ALOX12B: variants seen among roughly 807,000 people sequenced by gnomAD.
ALOX12B encodes arachidonate 12-lipoxygenase, 12R type.
A neutral mutation model predicts 78.9 loss-of-function variants in ALOX12B; 47 were observed. The ratio of observed to expected loss-of-function variants is 0.60; its 90% CI spans 0.47 to 0.76. The LOEUF is 0.76. Among genes scored for constraint, ALOX12B ranks in the 30% least tolerant of loss-of-function variants. ALOX12B has a pLI of 0.00. For synonymous variants in ALOX12B, 370 were observed against 374.5 expected, an observed-to-expected ratio of 0.99 and a Z score of 0.14; for missense variants, 805 against 922.6, an observed-to-expected ratio of 0.87 and a Z score of 1.65.
chr17:8,086,536 C>T (rs1978299191), intron 1 of ALOX12B, among the ~76,000 whole-genome samples: 1 of 152,198 alleles, frequency 6.6e-6, no homozygotes, highest in Admixed American at 6.5e-5. Flanking sequence ...CCCCTGGGGA[C>T]TTGGGTACCA....
rs371537819 is a variant in ALOX12B, at chr17:8,075,592, T to C, written c.1654+3A>G. ...CTGATTGCCCAGGTGTCCAGGCCCA[T>C]ACCTGAGCTCTCCCGCCCCAGGAGG... is the stretch of plus-strand genomic sequence containing the variant. On this transcript the variant is annotated splice_donor_region_variant and intron_variant, in intron 12 of 14. Transcript: ENST00000647874. 7.9e-5 allele frequency: 128 copies of C among 1,613,940 alleles called. No homozygotes were observed. Among genetic ancestry groups the C allele is most frequent in the Non-Finnish European group, 1.0e-4 (123 of 1,180,004 alleles).
At position 8,073,649 on chromosome 17, in the gene ALOX12B, A is replaced by G. The variant is rs2151821117; in HGVS notation, c.1755+8T>C. The stretch of plus-strand genomic sequence containing the variant: ...GGGCTGGGCCTGGGTTGGTGAGACC[A>G]CCGGTACCTGGCCTGTGTTGACAGC... On this transcript the variant is annotated splice_region_variant and intron_variant, in intron 13 of 14. Coordinates refer to ENST00000647874, the MANE Select transcript of ALOX12B (RefSeq NM_001139.3). The G allele has an allele frequency of 6.2e-7, 1 of 1,613,460 alleles. No homozygotes were observed. The highest frequency in any genetic ancestry group is 1.1e-5 in the South Asian group (1 of 91,044).
intron 13 of ALOX12B, 142 bp from the exon 14 acceptor site, chr17:8,073,460 GGGGGT>G: frequency 8.2e-7 from 1 of 1,218,704 alleles, no homozygotes; most frequent in South Asian, 1.3e-5. Flanking sequence ...TGGTTAGACT[GGGGGT>G]GGGGCTGGGT....
rs199521730 is a variant in ALOX12B at position 8,080,879 on chromosome 17, C to G, written c.527+5G>C. ...GCGGGGCCCAGCACAGCTTCGGGTC[C>G]TTACTCAGGCCGGTTGGGGTTGCGA... On this transcript the variant is annotated splice_donor_5th_base_variant and intron_variant, in intron 4 of 14. Coordinates refer to ENST00000647874, the MANE Select transcript of ALOX12B (RefSeq NM_001139.3). The surrounding 1 kb of genome is among the most constrained non-coding windows in gnomAD (Gnocchi z 4.8). 1 of 1,613,930 alleles carries G rather than the reference C, an allele frequency of 6.2e-7. No individual in the cohort carries two copies. Among genetic ancestry groups the G allele is most frequent in the South Asian group, 1.1e-5 (1 of 91,084 alleles).
Position 8,087,569 on chromosome 17 carries a change from A to T in ALOX12B, c.-127T>A. Reference sequence around the variant, plus strand: ...TGGACAGGGCTGGCCTCCGAGGTGCAGTGGTGAGGTGGCGAGGTGGGGTGA... The same window carrying T: ...TGGACAGGGCTGGCCTCCGAGGTGCTGTGGTGAGGTGGCGAGGTGGGGTGA... On this transcript the variant is annotated 5_prime_UTR_variant, in exon 1 of 15. Coordinates refer to ENST00000647874, the MANE Select transcript of ALOX12B (RefSeq NM_001139.3). 1.3e-6 allele frequency: 2 copies of T among 1,501,326 alleles called. No individual in the cohort carries two copies. The highest frequency in any genetic ancestry group is 1.8e-6 in the Non-Finnish European group (2 of 1,097,898). 93.0% of individuals were successfully genotyped at this position (1,501,326 alleles called of 1,614,324 possible).
At chr17:8,075,552 C>T (rs1977060179) in intron 12 of ALOX12B, 43 bp downstream of exon 12, 1 of 1,613,198 alleles carries the variant, frequency 6.2e-7, no homozygotes, top group Non-Finnish European at 8.5e-7. Context: ...GGCTGCCCCT[C>T]AGTCCCAGCT....
In ALOX12B at chr17:8,079,686, G is replaced by A. The variant is rs1977165031; in HGVS notation, c.927+83C>T. On this transcript the variant is annotated intron_variant, in intron 7 of 14. Coordinates refer to ENST00000647874, the MANE Select transcript of ALOX12B (RefSeq NM_001139.3). The surrounding 1 kb of genome is among the most constrained non-coding windows in gnomAD (Gnocchi z 6.4). ...GTGCGGGCTTGCCTGGGACTGGCGC[G>A]GGCGCCGGAGGTGGGGAGAGACGGG... 5 of 1,548,020 alleles carry A rather than the reference G, an allele frequency of 3.2e-6. No individual in the cohort carries two copies. Among genetic ancestry groups the A allele is most frequent in the Non-Finnish European group, 2.6e-6 (3 of 1,145,698 alleles).
chr17:8,077,247 A>T, intron 8 of ALOX12B, 54 bp from the exon 9 acceptor site: 1 of 1,530,030 alleles, frequency 6.5e-7, no homozygotes, highest in Non-Finnish European at 8.9e-7. Context: ...CACACACATA[A>T]AGGCCCCACC....
chr17:8,073,135 T>C lies in ALOX12B; in HGVS notation c.1926+13A>G. 6.2e-7 allele frequency: 1 copy of C among 1,613,888 alleles called. No individual in the cohort carries two copies. Among genetic ancestry groups the C allele is most frequent in the South Asian group, 1.1e-5 (1 of 91,072 alleles). Reference sequence around the variant, plus strand: ...CCCTCCCTGTGCTCAGAGTCCCCCATCCCGTCTCGCACCCTGTCGTCAGGC... The same window carrying C: ...CCCTCCCTGTGCTCAGAGTCCCCCACCCCGTCTCGCACCCTGTCGTCAGGC... On this transcript the variant is annotated intron_variant, in intron 14 of 14. Coordinates refer to ENST00000647874, the MANE Select transcript of ALOX12B (RefSeq NM_001139.3).
intron 14 of ALOX12B, 86 bp downstream of exon 14, chr17:8,073,062 C>A: frequency 1.2e-6 from 2 of 1,606,528 alleles, no homozygotes; most frequent in South Asian, 2.2e-5. Flanking sequence ...ACTCCCTGCT[C>A]CCCTCTTGAC....
chr17:8,086,047 G>A lies in ALOX12B; in HGVS notation c.321C>T (p.Gly107=). ...CCTCCCGGAGTGCCAGGGTCTCGTA[G>A]CCATCCATCCACTGGTAGGCGGGGA... ...YHFPAYQWMD[G]YETLALREAT... is the part of the protein sequence containing the mutation. Residue 107 remains glycine (G), a synonymous_variant, in exon 2 of 15, where the codon GGC becomes GGT. Coordinates refer to ENST00000647874, the MANE Select transcript of ALOX12B (RefSeq NM_001139.3). 1 of 1,614,188 alleles carries A rather than the reference G, an allele frequency of 6.2e-7. No homozygotes were observed.
chr17:8,082,612 C>A (rs961369320), intron 2 of ALOX12B, among the ~76,000 whole-genome samples: 195 of 102,164 alleles, frequency 1.9e-3, no homozygotes, highest in African/African-American at 6.8e-3. Flanking sequence ...ATAGATTACG[C>A]CTGTGACGCA....
rs1279367297 is a variant in ALOX12B at position 8,079,429 on chromosome 17, T to A, written c.1038A>T (p.Gly346=). 5.5e-5 allele frequency: 86 copies of A among 1,551,362 alleles called. No individual in the cohort carries two copies. The highest frequency in any genetic ancestry group is 7.2e-5 in the Non-Finnish European group (83 of 1,147,264). ...HCAPLCLLHF[G]PEGKMMPIAI... is the part of the protein sequence containing the mutation. Reference sequence around the variant, plus strand: ...CGATGGGCATCATCTTGCCCTCGGGTCCAAAGTGCAGCAGGCAGAGGGGGG... The same window carrying A: ...CGATGGGCATCATCTTGCCCTCGGGACCAAAGTGCAGCAGGCAGAGGGGGG... The change falls in exon 8 of 15, where the codon GGA becomes GGT. Residue 346 remains glycine (G), a synonymous_variant. Coordinates refer to ENST00000647874, the MANE Select transcript of ALOX12B (RefSeq NM_001139.3). This position sits in a 1 kb window ranked among gnomAD's most constrained non-coding sequence, Gnocchi z 6.4.
chr17:8,081,738 G>A (rs542699401), intron 2 of ALOX12B, among the ~76,000 whole-genome samples: 1 of 152,110 alleles, frequency 6.6e-6, no homozygotes, highest in African/African-American at 2.4e-5. Flanking sequence ...TGCCTCCTGG[G>A]TTCAAGCGAT....
In ALOX12B at chr17:8,079,456, G is replaced by C; in HGVS notation, c.1011C>G (p.Cys337Trp). The C allele has an allele frequency of 1.3e-6, 2 of 1,551,162 alleles. No homozygotes were observed. The highest frequency in any genetic ancestry group is 1.4e-5 in the African/African-American group (1 of 73,222). The change falls in exon 8 of 15, where the codon TGC becomes TGG. Residue 337 changes from cysteine to tryptophan, a missense_variant. Coordinates refer to ENST00000647874, the MANE Select transcript of ALOX12B (RefSeq NM_001139.3). This position sits in a 1 kb window ranked among gnomAD's most constrained non-coding sequence, Gnocchi z 6.4. ...VELSGRKQHHCAPLCLLHFGP... is the reference protein window; with the variant it reads ...VELSGRKQHHWAPLCLLHFGP... ...CAAAGTGCAGCAGGCAGAGGGGGGC[G>C]CAGTGGTGCTGCTTCCGGCCGCTGA... is the stretch of plus-strand genomic sequence containing the variant.
At chr17:8,074,992 C>G (rs762394136) in intron 12 of ALOX12B, among the ~76,000 whole-genome samples, 4 of 152,212 alleles carry the variant, frequency 2.6e-5, no homozygotes, top group Non-Finnish European at 5.9e-5. Context: ...CCTGTCTTCT[C>G]TCCACTACCC....
At position 8,076,669 on chromosome 17, in the gene ALOX12B, C is replaced by T. The variant is rs746397963; in HGVS notation, c.1350G>A (p.Gly450=). ...GCAGAAGTCTTACCTTGGCAGAGAGCCCCCCCTCATTGAGGAGAACGGCCC... is the reference window on the plus strand; with the variant it reads ...GCAGAAGTCTTACCTTGGCAGAGAGTCCCCCCTCATTGAGGAGAACGGCCC... The part of the protein sequence containing the change: ...IGRAVLLNEG[G]LSAKGMSLGV... The change falls in exon 10 of 15, where the codon GGG becomes GGA. Residue 450 remains glycine, a synonymous_variant. Transcript: ENST00000647874. The T allele has an allele frequency of 1.0e-5, 16 of 1,550,906 alleles. No individual in the cohort carries two copies. Among genetic ancestry groups the T allele is most frequent in the Non-Finnish European group, 1.1e-5 (13 of 1,146,714 alleles).
In ALOX12B at chr17:8,073,799, C is replaced by T. The variant is rs779544044; in HGVS notation, c.1655-42G>A. Reference sequence around the variant, plus strand: ...AAGCCCAGGCGACATCAGTCGTGCCCTGGTACTGGCTGCCCGGCAGAGGGC... The same window carrying T: ...AAGCCCAGGCGACATCAGTCGTGCCTTGGTACTGGCTGCCCGGCAGAGGGC... On this transcript the variant is annotated intron_variant, in intron 12 of 14. Transcript: ENST00000647874. 2.0e-6 allele frequency: 3 copies of T among 1,505,588 alleles called. No individual in the cohort carries two copies. In the African/African-American group the frequency reaches 4.1e-5, roughly 21 times the overall value. The allele number at this position is 1,505,588 out of a possible 1,614,324, so 93.3% of individuals were successfully genotyped here.
chr17:8,075,188 G>A (rs1439033036), intron 12 of ALOX12B, among the ~76,000 whole-genome samples: 2 of 152,186 alleles, frequency 1.3e-5, no homozygotes, highest in Admixed American at 1.3e-4. Context: ...TGTTGAGTGT[G>A]TACCCAGGTG....
Sources: gnomAD v4.1 joint callset for allele counts (sites outside exome capture counted in the v4.1 genomes callset) on GRCh38, gnomAD v4.1.1 for gene constraint, Gnocchi (gnomAD v3.1) non-coding constraint, MANE v1.5 for transcripts, NCBI Gene and HGNC (gene_info 2026-07-23, HGNC 2026-07-21) for gene names.